The following DPH6 variants were observed in gnomAD, a reference collection of about 807,000 sequenced individuals.
The protein encoded by DPH6 is diphthamine biosynthesis 6.
Under a neutral mutation model 38.2 loss-of-function variants are expected in DPH6, and 33 were observed. That is an observed-to-expected ratio of 0.86 (90% CI 0.65 to 1.15). DPH6 has a LOEUF of 1.15. DPH6 is among the 50% of genes most tolerant of loss of function. DPH6 has a pLI of 0.00. For synonymous variants in DPH6, 108 were observed against 103.0 expected (o/e 1.05, Z -0.30); for missense variants, 325 against 320.0 (o/e 1.02, Z -0.12).
At chr15:35,521,834 G>T in intron 3 of DPH6, 9 of 1,317,094 alleles carry the variant, frequency 6.8e-6, no homozygotes, top group South Asian at 5.2e-5. Flanking sequence ...GCTCCTAAAG[G>T]AGTATAAAAA....
chr15:35,220,002 T>C (rs2051432153), exon 4 of DPH6: 1 of 152,226 alleles, frequency 6.6e-6, no homozygotes, highest in Non-Finnish European at 1.5e-5. Flanking sequence ...CAACTGAACC[T>C]TACTATGCTA....
Position 35,454,735 on chromosome 15 carries a change from A to G in DPH6, c.386+12T>C. On this transcript the variant is annotated intron_variant, in intron 4 of 8. Coordinates refer to ENST00000256538, the MANE Select transcript of DPH6 (RefSeq NM_080650.4). ...ATACACTTTTAAAACTAACAAATTA[A>G]TGTTTTCTTACACATTTTCCACTCG... The G allele has an allele frequency of 6.3e-7, 1 of 1,598,334 alleles. No individual in the cohort carries two copies. Among genetic ancestry groups the G allele is most frequent in the Non-Finnish European group, 8.5e-7 (1 of 1,169,884 alleles).
chr15:35,199,891 A>C, the DPH6 span, among the ~76,000 whole-genome samples: 7 of 152,052 alleles, frequency 4.6e-5, no homozygotes, highest in African/African-American at 1.7e-4. Flanking sequence ...CTTAGAGAGC[A>C]TCCAAAATTG....
intron 6 of DPH6, among the ~76,000 whole-genome samples, chr15:35,399,560 C>T (rs751073162): frequency 2.0e-5 from 3 of 152,112 alleles, no homozygotes; most frequent in Non-Finnish European, 4.4e-5. Context: ...TGGATAAAAA[C>T]ATACACACCC....
the DPH6 span, among the ~76,000 whole-genome samples, chr15:35,152,408 C>A: frequency 1.3e-5 from 2 of 152,168 alleles, no homozygotes; most frequent in Non-Finnish European, 2.9e-5. Context: ...GTTTGAGACA[C>A]TGGCCCAAAG....
At chr15:35,305,112 A>C (rs2052079234) in intron 3 of DPH6, among the ~76,000 whole-genome samples, 1 of 152,126 alleles carries the variant, frequency 6.6e-6, no homozygotes, top group Non-Finnish European at 1.5e-5. Context: ...GATATCCATA[A>C]AGGTTTGAAG....
intron 3 of DPH6, among the ~76,000 whole-genome samples, chr15:35,232,141 A>G (rs1390934797): frequency 6.6e-6 from 1 of 152,212 alleles, no homozygotes; most frequent in Non-Finnish European, 1.5e-5. Flanking sequence ...TCGTAATGAC[A>G]AGGCTCAATG....
intron 3 of DPH6, among the ~76,000 whole-genome samples, chr15:35,228,184 A>G (rs1161798413): frequency 6.6e-6 from 1 of 152,226 alleles, no homozygotes; most frequent in Non-Finnish European, 1.5e-5. Flanking sequence ...ACAAACAAAC[A>G]AAAAGAAATA....
the DPH6 span, among the ~76,000 whole-genome samples, chr15:35,147,436 A>G: frequency 6.6e-6 from 1 of 152,192 alleles, no homozygotes; most frequent in Non-Finnish European, 1.5e-5. Context: ...AGGGTTCTTC[A>G]ATCTAGTTAG....
intron 3 of DPH6, among the ~76,000 whole-genome samples, chr15:35,256,666 G>A (rs1241529335): frequency 6.6e-6 from 1 of 152,126 alleles, no homozygotes; most frequent in African/African-American, 2.4e-5. Flanking sequence ...GTTCACTCTG[G>A]GATTTAGCCA....
At chr15:35,276,107 T>A (rs1043359391) in intron 3 of DPH6, among the ~76,000 whole-genome samples, 2 of 152,188 alleles carry the variant, frequency 1.3e-5, no homozygotes, top group African/African-American at 4.8e-5. Context: ...CATGCCAGCA[T>A]CTATTATTTT....
the DPH6 span, among the ~76,000 whole-genome samples, chr15:35,163,182 A>G: frequency 4.0e-5 from 6 of 151,816 alleles, no homozygotes; most frequent in African/African-American, 1.4e-4. Context: ...TTTGCTGAAG[A>G]TTGTGCTGAG....
intron 3 of DPH6, among the ~76,000 whole-genome samples, chr15:35,524,012 C>G (rs2054962349): frequency 6.6e-6 from 1 of 150,918 alleles, no homozygotes. Context: ...CTTTTTCAAA[C>G]AAACCAGTTT....
At chr15:35,334,980 C>T (rs994619299) in intron 3 of DPH6, among the ~76,000 whole-genome samples, 3 of 152,028 alleles carry the variant, frequency 2.0e-5, no homozygotes, top group Non-Finnish European at 2.9e-5. Flanking sequence ...ATTGCCACAC[C>T]GTATTCAACA....
Position 35,265,204 on chromosome 15 carries a change from T to C in DPH6, n.201-44622A>G, listed in dbSNP as rs866375936. The stretch of plus-strand genomic sequence containing the variant: ...AATCAAATCTAGAATATAATAAGAA[T>C]TAAAAAAGATATTCAATCTTAAAAT... On this transcript the variant is annotated intron_variant and non_coding_transcript_variant, in intron 3 of 3. Coordinates refer to the DPH6 transcript ENST00000560386. 4.0e-5 allele frequency among the ~76,000 whole-genome samples: 6 copies of C among 149,564 alleles called. No individual in the cohort carries two copies. The Middle Eastern group carries it at 0.017, about 430-fold the overall frequency.
At chr15:35,360,835 G>A (rs2052608138) in intron 3 of DPH6, among the ~76,000 whole-genome samples, 1 of 152,098 alleles carries the variant, frequency 6.6e-6, no homozygotes. Flanking sequence ...TGGGGCTAGA[G>A]CCCAGTTAAG....
chr15:35,344,960 G>T (rs2052449475), intron 3 of DPH6, among the ~76,000 whole-genome samples: 1 of 151,856 alleles, frequency 6.6e-6, no homozygotes, highest in Non-Finnish European at 1.5e-5. Flanking sequence ...CCATTTTGGG[G>T]AGGAAAATGT....
downstream of DPH6, among the ~76,000 whole-genome samples, chr15:35,215,654 T>C (rs1202516042): frequency 6.6e-6 from 1 of 152,238 alleles, no homozygotes; most frequent in Non-Finnish European, 1.5e-5. Flanking sequence ...TTACAGGTGC[T>C]AGCCACTACA....
rs951124069 is a variant in DPH6, at chr15:35,371,881, T to C, written c.*269A>G. On this transcript the variant is annotated 3_prime_UTR_variant, in exon 9 of 9. Transcript: ENST00000256538. The stretch of plus-strand genomic sequence containing the variant: ...ATGCTACAGAAATGGGGTTTATAGA[T>C]GAAATAAAAGAAAAAAAAGGTCATA... 11 of 1,110,274 alleles carry C rather than the reference T, an allele frequency of 9.9e-6. No individual in the cohort carries two copies. Among genetic ancestry groups the C allele is most frequent in the African/African-American group, 3.3e-5 (2 of 59,950 alleles). The allele number at this position is 1,110,274 out of a possible 1,614,324, so 68.8% of individuals were successfully genotyped here. A position where few individuals can be genotyped will look rare whatever the true frequency, so the allele number is the denominator to read the frequency against.
Sources: gnomAD v4.1 joint callset for allele counts (sites outside exome capture counted in the v4.1 genomes callset) on GRCh38, gnomAD v4.1.1 for gene constraint, MANE v1.5 for transcripts, NCBI Gene and HGNC (gene_info 2026-07-23, HGNC 2026-07-21) for gene names.